Variants in MTCH2 observed in about 807,000 individuals in gnomAD.
The protein encoded by MTCH2 is mitochondrial carrier 2.
MTCH2 carries 25 observed loss-of-function variants against 50.6 expected under a neutral mutation model. The observed-to-expected ratio is 0.49, with a 90% CI of 0.36 to 0.69. The LOEUF (loss-of-function observed/expected upper bound fraction) is 0.69. MTCH2 is among the 30% of genes least tolerant of loss of function. The pLI, the probability that MTCH2 is intolerant of heterozygous loss-of-function variation, is 0.00. For missense variants in MTCH2, 273 were observed against 384.4 expected (o/e 0.71, Z 2.42); for synonymous variants, 106 against 132.0 (o/e 0.80, Z 1.35).
the MTCH2 span, among the ~76,000 whole-genome samples, chr11:47,604,883 C>A: frequency 1.8e-4 from 27 of 152,128 alleles, no homozygotes; most frequent in Non-Finnish European, 3.2e-4. Flanking sequence ...TATTAGAAAC[C>A]ATTAACAGCA....
the MTCH2 span, among the ~76,000 whole-genome samples, chr11:47,604,593 G>A: frequency 6.6e-6 from 1 of 152,164 alleles, no homozygotes; most frequent in Non-Finnish European, 1.5e-5. Context: ...GCAATGACGT[G>A]TTATTTATTG....
chr11:47,639,899 A>C (rs2097312423), intron 1 of MTCH2, among the ~76,000 whole-genome samples: 1 of 152,186 alleles, frequency 6.6e-6, no homozygotes, highest in Non-Finnish European at 1.5e-5. Flanking sequence ...CAGCTAATGA[A>C]GTCCATTTTA....
intron 11 of MTCH2, among the ~76,000 whole-genome samples, chr11:47,624,422 A>C (rs1300621429): frequency 1.3e-5 from 2 of 152,148 alleles, no homozygotes; most frequent in Non-Finnish European, 2.9e-5. Context: ...TTCTCCATAA[A>C]GCCCCTAGGA....
the MTCH2 span, among the ~76,000 whole-genome samples, chr11:47,611,594 C>T: frequency 3.9e-5 from 6 of 152,340 alleles, no homozygotes; most frequent in South Asian, 4.1e-4. Flanking sequence ...ACTTTTCTTT[C>T]GTCCACGTGT....
chr11:47,615,001 C>T (rs1216518796), downstream of MTCH2, among the ~76,000 whole-genome samples: 2 of 150,612 alleles, frequency 1.3e-5, no homozygotes, highest in African/African-American at 2.4e-5. Flanking sequence ...AGCCACGACC[C>T]CACTAGCTTT....
intron 9 of MTCH2, 44 bp downstream of exon 9, chr11:47,628,909 G>T (rs2097300498): frequency 1.3e-6 from 2 of 1,554,376 alleles, no homozygotes; most frequent in African/African-American, 1.4e-5. Context: ...CTAGCTGCCA[G>T]ATTAAAGCCA....
At chr11:47,627,155 A>G in intron 9 of MTCH2, 28 bp from the exon 10 acceptor site, 1 of 1,483,352 alleles carries the variant, frequency 6.7e-7, no homozygotes, top group Non-Finnish European at 9.3e-7. Context: ...CCTTAAATTA[A>G]TTACCTACAA....
chr11:47,641,884 G>A (rs983538288), intron 1 of MTCH2, among the ~76,000 whole-genome samples: 4 of 151,834 alleles, frequency 2.6e-5, no homozygotes, highest in Non-Finnish European at 5.9e-5. Context: ...CAGAAAAGCA[G>A]TAGTAACAGT....
At chr11:47,627,268 C>T (rs2097299046) in intron 9 of MTCH2, 141 bp from the exon 10 acceptor site, 1 of 550,352 alleles carries the variant, frequency 1.8e-6, no homozygotes, top group Admixed American at 4.0e-5. Flanking sequence ...GCAGTGACCT[C>T]CTGAAGCACA....
intron 10 of MTCH2, among the ~76,000 whole-genome samples, chr11:47,626,249 T>C (rs1375583152): frequency 6.6e-6 from 1 of 151,874 alleles, no homozygotes; most frequent in Non-Finnish European, 1.5e-5. Context: ...TTTCTCCAAA[T>C]TGGCCAAGGT....
intron 11 of MTCH2, 89 bp from the exon 12 acceptor site, chr11:47,622,865 A>G: frequency 1.2e-6 from 1 of 865,450 alleles, no homozygotes; most frequent in Non-Finnish European, 1.8e-6. Context: ...ATTCTGCTGC[A>G]CAGAAGATTC....
chr11:47,635,725 C>T (rs2097307949), intron 3 of MTCH2, among the ~76,000 whole-genome samples, 154 bp from the exon 4 acceptor site: 1 of 151,012 alleles, frequency 6.6e-6, no homozygotes, highest in Non-Finnish European at 1.5e-5. Flanking sequence ...CAGTTAACTT[C>T]TACTCATTAA....
At chr11:47,614,672 C>G (rs1222734654), downstream of MTCH2, among the ~76,000 whole-genome samples, 1 of 152,208 alleles carries the variant, frequency 6.6e-6, no homozygotes, top group Non-Finnish European at 1.5e-5. Flanking sequence ...ACCTCCACCT[C>G]CTGGGTTTCA....
In MTCH2 at chr11:47,630,590, G is replaced by A. The variant is rs202195535; in HGVS notation, c.504C>T (p.Thr168=). The part of the protein sequence containing the change: ...KYCGLCDSII[T]IYREEGILGF... The stretch of plus-strand genomic sequence containing the variant: ...CTAGAATGCCCTCTTCCCGATAGAT[G>A]GTTATTATGGAATCACAAAGTCCAC... Residue 168 remains threonine (T), a synonymous_variant, in exon 8 of 13, where the codon ACC becomes ACT. Transcript: ENST00000302503. The A allele has an allele frequency of 9.3e-6, 15 of 1,612,666 alleles. No homozygotes were observed. The East Asian group carries it at 3.3e-4, about 36-fold the overall frequency.
the MTCH2 span, among the ~76,000 whole-genome samples, chr11:47,604,790 C>T: frequency 6.6e-6 from 1 of 152,060 alleles, no homozygotes; most frequent in African/African-American, 2.4e-5. Context: ...AAACAAGGTG[C>T]ACAACATACC....
chr11:47,632,498 C>A (rs1013783470), intron 5 of MTCH2, among the ~76,000 whole-genome samples: 2 of 151,822 alleles, frequency 1.3e-5, no homozygotes, highest in African/African-American at 2.4e-5. Flanking sequence ...GGACTACAGG[C>A]ACCCGCCATC....
chr11:47,613,972 G>A (rs1039608554), downstream of MTCH2, among the ~76,000 whole-genome samples: 2 of 152,070 alleles, frequency 1.3e-5, no homozygotes, highest in African/African-American at 4.8e-5. Flanking sequence ...TGTAATCCCA[G>A]CTACTTGGGA....
intron 4 of MTCH2, among the ~76,000 whole-genome samples, chr11:47,634,993 G>A (rs149549477): frequency 1.3e-5 from 2 of 151,660 alleles, no homozygotes; most frequent in Non-Finnish European, 2.9e-5. Context: ...GGATGGTCTC[G>A]ATTTCCTGAC....
downstream of MTCH2, among the ~76,000 whole-genome samples, chr11:47,615,604 T>C (rs977685122): frequency 2.0e-5 from 3 of 151,834 alleles, no homozygotes; most frequent in Non-Finnish European, 4.4e-5. Context: ...ATATAGGGCT[T>C]ATGTTGAATG....
Sources: allele counts gnomAD v4.1 joint callset (sites outside exome capture counted in the v4.1 genomes callset), GRCh38; gene constraint gnomAD v4.1.1; transcripts MANE v1.5; gene names NCBI Gene and HGNC (gene_info 2026-07-23, HGNC 2026-07-21).